ZBTB20: variants seen among roughly 807,000 people sequenced by gnomAD.
ZBTB20 encodes the protein zinc finger and BTB domain containing 20, also known as zinc finger and BTB domain-containing protein 20.
ZBTB20 carries 9 observed loss-of-function variants against 56.9 expected under a neutral mutation model. That is an observed-to-expected ratio of 0.16 (90% CI 0.10 to 0.28). The LOEUF (loss-of-function observed/expected upper bound fraction) is 0.28, where lower values mean the gene tolerates loss of function less well. ZBTB20 is among the 10% of genes least tolerant of loss of function. The pLI is 1.00. For synonymous variants in ZBTB20, 417 were observed against 420.7 expected, an observed-to-expected ratio of 0.99 and a Z score of 0.11; for missense variants, 655 against 1,003.0, an observed-to-expected ratio of 0.65 and a Z score of 4.69.
chr3:115,033,969 T>G (rs1394637370), intron 2 of ZBTB20, among the ~76,000 whole-genome samples: 1 of 151,620 alleles, frequency 6.6e-6, no homozygotes, highest in African/African-American at 2.4e-5. Context: ...ATCAACATAA[T>G]ACACCACATT....
intron 3 of ZBTB20, among the ~76,000 whole-genome samples, chr3:114,959,714 TATAC>T (rs1388478315): frequency 9.1e-5 from 10 of 110,166 alleles, no homozygotes; most frequent in African/African-American, 3.0e-4. Flanking sequence ...TCTATATTTA[TATAC>T]ATACACACAC....
In ZBTB20 at chr3:114,316,779, T is replaced by C. The variant is rs1490646380; in HGVS notation, c.*22226A>G. On this transcript the variant is annotated 3_prime_UTR_variant, in exon 12 of 12. Transcript: ENST00000675478. ...TTCTCAGCCCCAAGCAAGAGAAACCTGGGTTTGGTCATGCTGGGGGCTGAC... is the reference window on the plus strand; with the variant it reads ...TTCTCAGCCCCAAGCAAGAGAAACCCGGGTTTGGTCATGCTGGGGGCTGAC... The C allele has an allele frequency of 6.5e-6, 2 of 307,944 alleles. No individual in the cohort carries two copies. The highest frequency in any genetic ancestry group is 1.3e-5 in the Non-Finnish European group (2 of 152,886). 19.1% of individuals were successfully genotyped at this position (307,944 alleles called of 1,614,324 possible).
In ZBTB20 at chr3:114,315,875, C is replaced by G. The variant is rs1311654403; in HGVS notation, c.*23130G>C. 1.3e-5 allele frequency: 2 copies of G among 153,992 alleles called. No homozygotes were observed. Among genetic ancestry groups the G allele is most frequent in the East Asian group, 3.8e-4 (2 of 5,226 alleles). The allele number at this position is 153,992 out of a possible 1,614,324, so 9.5% of individuals were successfully genotyped here. The stretch of plus-strand genomic sequence containing the variant: ...TAACAGAAAGACAGCAGATAGCAAA[C>G]ACATCAATAAGGTGCTCAAAGAAAA... On this transcript the variant is annotated 3_prime_UTR_variant, in exon 12 of 12. Coordinates refer to ENST00000675478, the MANE Select transcript of ZBTB20 (RefSeq NM_001348800.3).
intron 5 of ZBTB20, among the ~76,000 whole-genome samples, chr3:114,748,898 C>T (rs924462091): frequency 1.3e-5 from 2 of 152,006 alleles, no homozygotes; most frequent in African/African-American, 4.8e-5. Context: ...CTTTAATTGC[C>T]CACTTTAATA....
chr3:115,119,672 T>C (rs1576806512), intron 1 of ZBTB20, among the ~76,000 whole-genome samples: 1 of 152,158 alleles, frequency 6.6e-6, no homozygotes, highest in East Asian at 1.9e-4. Flanking sequence ...TAGCTTGTGT[T>C]TATTTCTATT....
intron 1 of ZBTB20, among the ~76,000 whole-genome samples, chr3:115,123,868 A>AAG (rs1377982432): frequency 6.6e-6 from 1 of 152,190 alleles, no homozygotes; most frequent in Non-Finnish European, 1.5e-5. Context: ...AACTATCAAA[A>AAG]AGTTAGTTCT....
intron 1 of ZBTB20, among the ~76,000 whole-genome samples, chr3:115,090,847 A>T (rs2083164161): frequency 6.6e-6 from 1 of 151,906 alleles, no homozygotes; most frequent in Non-Finnish European, 1.5e-5. Context: ...GCCCAGTCAT[A>T]AGTTTGCTGG....
chr3:114,380,141 T>C (rs1209457192), intron 10 of ZBTB20, 76 bp downstream of exon 10: 2 of 1,377,968 alleles, frequency 1.5e-6, no homozygotes, highest in African/African-American at 1.5e-5. Flanking sequence ...GCTCTGAAAG[T>C]AGAAAAGCCA....
At chr3:114,620,329 G>A (rs1314315512) in intron 6 of ZBTB20, among the ~76,000 whole-genome samples, 2 of 151,864 alleles carry the variant, frequency 1.3e-5, no homozygotes, top group African/African-American at 4.8e-5. Context: ...TTTTGCTCTT[G>A]TTGCACAGGC....
intron 5 of ZBTB20, among the ~76,000 whole-genome samples, chr3:114,787,360 T>TACACACACAC (rs1354282995): frequency 4.2e-5 from 4 of 96,162 alleles, no homozygotes; most frequent in African/African-American, 1.8e-4. Context: ...TATATATATA[T>TACACACACAC]ATATATATAC....
intron 2 of ZBTB20, among the ~76,000 whole-genome samples, chr3:114,991,780 G>C (rs1365279981): frequency 6.6e-6 from 1 of 152,038 alleles, no homozygotes; most frequent in Non-Finnish European, 1.5e-5. Context: ...TTATGAATCT[G>C]GGTGCTCCTG....
At chr3:115,104,894 T>C (rs1400720676) in intron 1 of ZBTB20, among the ~76,000 whole-genome samples, 1 of 152,180 alleles carries the variant, frequency 6.6e-6, no homozygotes, top group Non-Finnish European at 1.5e-5. Context: ...TGGCTTATCA[T>C]ATGTAACAAA....
chr3:115,011,670 A>G (rs1177653667), intron 2 of ZBTB20, among the ~76,000 whole-genome samples: 6 of 151,910 alleles, frequency 3.9e-5, no homozygotes, highest in Admixed American at 6.6e-5. Flanking sequence ...GAGTACTTCA[A>G]TCAAATAAAA....
intron 5 of ZBTB20, among the ~76,000 whole-genome samples, chr3:114,767,257 C>T (rs989997544): frequency 6.6e-6 from 1 of 152,068 alleles, no homozygotes; most frequent in Non-Finnish European, 1.5e-5. Flanking sequence ...TGCATAGATA[C>T]TACCTTTTTT....
At chr3:114,833,314 G>A (rs902384979) in intron 4 of ZBTB20, among the ~76,000 whole-genome samples, 1 of 152,084 alleles carries the variant, frequency 6.6e-6, no homozygotes, top group South Asian at 2.1e-4. Context: ...AGAAGAAAGA[G>A]AGTAACTTTT....
At chr3:115,123,005 T>C (rs1278408520) in intron 1 of ZBTB20, among the ~76,000 whole-genome samples, 1 of 152,160 alleles carries the variant, frequency 6.6e-6, no homozygotes, top group Non-Finnish European at 1.5e-5. Flanking sequence ...AAAACATGCA[T>C]GATTTTTCAT....
chr3:115,021,575 T>C (rs1439239094), intron 2 of ZBTB20, among the ~76,000 whole-genome samples: 3 of 150,942 alleles, frequency 2.0e-5, no homozygotes, highest in Non-Finnish European at 4.5e-5. Flanking sequence ...ATATAATGAA[T>C]GCAAACTTGA....
intron 6 of ZBTB20, among the ~76,000 whole-genome samples, chr3:114,571,092 GAA>G (rs2107340353): frequency 6.6e-6 from 1 of 152,164 alleles, no homozygotes; most frequent in African/African-American, 2.4e-5. Flanking sequence ...AAAAAAGAAA[GAA>G]AATATTTTCA....
At chr3:114,709,727 C>G (rs1274651258) in intron 5 of ZBTB20, among the ~76,000 whole-genome samples, 1 of 152,184 alleles carries the variant, frequency 6.6e-6, no homozygotes, top group African/African-American at 2.4e-5. Context: ...CTGAATTATA[C>G]TAGAGGTGAG....
Sources: gnomAD v4.1 joint callset for allele counts (sites outside exome capture counted in the v4.1 genomes callset) on GRCh38, gnomAD v4.1.1 for gene constraint, MANE v1.5 for transcripts, NCBI Gene and HGNC (gene_info 2026-07-23, HGNC 2026-07-21) for gene names.